The following CSMD2 variants were observed in gnomAD, a reference collection of about 807,000 sequenced individuals.
CSMD2 encodes CUB and Sushi multiple domains 2, also known as CUB and sushi domain-containing protein 2.
Under a neutral mutation model 398.5 loss-of-function variants are expected in CSMD2, and 130 were observed. The observed-to-expected ratio is 0.33, with a 90% confidence interval of 0.28 to 0.38. The LOEUF (loss-of-function observed/expected upper bound fraction) is 0.38, where lower values mean the gene tolerates loss of function less well. Ranked by LOEUF, CSMD2 falls within the 10% of genes least tolerant of loss-of-function variation. The pLI, the probability that CSMD2 is intolerant of heterozygous loss-of-function variation, is 1.00. For missense variants in CSMD2, 3,829 were observed against 4,764.9 expected, an observed-to-expected ratio of 0.80 and a Z score of 5.78; for synonymous variants, 1,828 against 1,908.5, an observed-to-expected ratio of 0.96 and a Z score of 1.10.
chr1:33,670,123 C>T (rs1644444812), intron 25 of CSMD2, among the ~76,000 whole-genome samples: 2 of 152,202 alleles, frequency 1.3e-5, no homozygotes, highest in African/African-American at 2.4e-5. Context: ...TGCCTCACAT[C>T]CAGTGGGGAG....
intron 12 of CSMD2, among the ~76,000 whole-genome samples, chr1:33,773,541 G>A (rs1451559224): frequency 6.6e-6 from 1 of 152,188 alleles, no homozygotes; most frequent in East Asian, 1.9e-4. Flanking sequence ...TCAGGATCCA[G>A]ATGCTTCTGG....
intron 28 of CSMD2, among the ~76,000 whole-genome samples, chr1:33,648,361 CAAAAAAAAAA>C (rs61207590): frequency 2.8e-5 from 2 of 71,810 alleles, no homozygotes; most frequent in African/African-American, 8.7e-5. Context: ...GACTCTGTCT[CAAAAAAAAAA>C]AAAAAAAAGC....
chr1:34,051,334 A>C (rs983855536), intron 2 of CSMD2, among the ~76,000 whole-genome samples: 1 of 152,230 alleles, frequency 6.6e-6, no homozygotes, highest in Non-Finnish European at 1.5e-5. Context: ...TGAAAGAGTT[A>C]GTTATAAATA....
chr1:34,059,459 G>C (rs1020801259), intron 2 of CSMD2, among the ~76,000 whole-genome samples: 1 of 152,104 alleles, frequency 6.6e-6, no homozygotes, highest in Non-Finnish European at 1.5e-5. Context: ...GTCAATTCTA[G>C]CACCCTATTT....
At chr1:33,907,040 G>A (rs1254111480) in intron 5 of CSMD2, among the ~76,000 whole-genome samples, 5 of 151,924 alleles carry the variant, frequency 3.3e-5, no homozygotes, top group African/African-American at 7.3e-5. Context: ...CCTGAAAAAC[G>A]CCTTCTGGCA....
chr1:34,127,233 T>C (rs1203728642), intron 1 of CSMD2, among the ~76,000 whole-genome samples: 2 of 150,282 alleles, frequency 1.3e-5, no homozygotes, highest in East Asian at 4.3e-4. Flanking sequence ...AACCAGAGAC[T>C]GAGTATGGAC....
chr1:34,132,794 C>A (rs1663500865), intron 1 of CSMD2, among the ~76,000 whole-genome samples: 1 of 152,188 alleles, frequency 6.6e-6, no homozygotes, highest in Non-Finnish European at 1.5e-5. Flanking sequence ...GGTTCACCCC[C>A]ACTATCCCAC....
In CSMD2 at chr1:33,920,752, C is replaced by T. The variant is rs1643909773; in HGVS notation, c.713-2451G>A. On this transcript the variant is annotated intron_variant, in intron 4 of 70. Transcript: ENST00000373381. ...GTATTAACAGGATCCCTTGGGATGC[C>T]ATGTAGACAGCAGACCAGAGAGGGC... Among the ~76,000 whole-genome samples, 9 of 152,138 alleles carry T rather than the reference C, an allele frequency of 5.9e-5. No homozygotes were observed. In the South Asian group the frequency reaches 1.9e-3, roughly 32 times the overall value.
chr1:33,652,391 C>A lies in CSMD2; in HGVS notation c.4518G>T (p.Pro1506=), dbSNP rs747379869. 9.9e-5 allele frequency: 159 copies of A among 1,614,002 alleles called. No homozygotes were observed. The Middle Eastern group carries it at 1.2e-3, about 12-fold the overall frequency. The part of the protein sequence containing the change: ...ILSPNYPEPY[P]PGKECDWKVT... ...CTTTCCAGTCACACTCCTTGCCTGG[C>A]GGGTAGGGTTCTGGGTAATTTGGTG... is the stretch of plus-strand genomic sequence containing the variant. The change falls in exon 28 of 71, where the codon CCG becomes CCT. Residue 1506 remains proline, a synonymous_variant. Transcript: ENST00000373381.
At position 33,718,210 on chromosome 1, in the gene CSMD2, G is replaced by C. The variant is rs141175441; in HGVS notation, c.3002-1709C>G. Reference sequence around the variant, plus strand: ...AGCTACTCCAGGGTGCGGCCTCTCAGGCTACAGAAAGAGAGCAGGTAGTTA... The same window carrying C: ...AGCTACTCCAGGGTGCGGCCTCTCACGCTACAGAAAGAGAGCAGGTAGTTA... On this transcript the variant is annotated intron_variant, in intron 19 of 70. Coordinates refer to ENST00000373381, the MANE Select transcript of CSMD2 (RefSeq NM_001281956.2). Among the ~76,000 whole-genome samples, 1,472 of 152,282 alleles carry C rather than the reference G, an allele frequency of 9.7e-3. 21 individuals carry two copies. The highest frequency in any genetic ancestry group is 0.032 in the African/African-American group (1,332 of 41,558).
rs925225994 is a variant in CSMD2, at chr1:33,707,713, A to G, written c.3576+1376T>C. 6.3e-3 allele frequency among the ~76,000 whole-genome samples: 866 copies of G among 138,190 alleles called. 19 individuals carry two copies. The highest frequency in any genetic ancestry group is 0.027 in the African/African-American group (815 of 30,560). The allele number at this position is 138,190 out of a possible 152,430, so 90.7% of individuals were successfully genotyped here. A position where few individuals can be genotyped will look rare whatever the true frequency, so the allele number is the denominator to read the frequency against. The stretch of plus-strand genomic sequence containing the variant: ...CGCGCGCGCACACACACACACACAC[A>G]CACACACACACACACACACACACAC... On this transcript the variant is annotated intron_variant, in intron 22 of 70. Coordinates refer to ENST00000373381, the MANE Select transcript of CSMD2 (RefSeq NM_001281956.2).
At chr1:33,650,985 T>C (rs1381936062) in intron 28 of CSMD2, among the ~76,000 whole-genome samples, 1 of 152,240 alleles carries the variant, frequency 6.6e-6, no homozygotes, top group Non-Finnish European at 1.5e-5. Flanking sequence ...TTTTTGGGAC[T>C]CATCCACGTT....
intron 5 of CSMD2, among the ~76,000 whole-genome samples, chr1:33,854,589 G>A (rs1638940267): frequency 6.6e-6 from 1 of 152,182 alleles, no homozygotes. Flanking sequence ...AGCAGCTGCT[G>A]GTACCTTCCT....
At chr1:34,111,530 C>T (rs1458233713) in intron 1 of CSMD2, among the ~76,000 whole-genome samples, 1 of 152,230 alleles carries the variant, frequency 6.6e-6, no homozygotes, top group Non-Finnish European at 1.5e-5. Flanking sequence ...TTATCAGGCA[C>T]TGACTGTGTG....
intron 55 of CSMD2, 35 bp from the exon 56 acceptor site, chr1:33,550,385 C>T: frequency 6.3e-7 from 1 of 1,596,224 alleles, no homozygotes; most frequent in Non-Finnish European, 8.6e-7. Flanking sequence ...AATGACTCTG[C>T]ACAGGGATGG....
At chr1:33,826,571 T>C (rs1173241773) in intron 6 of CSMD2, among the ~76,000 whole-genome samples, 1 of 152,160 alleles carries the variant, frequency 6.6e-6, no homozygotes, top group Non-Finnish European at 1.5e-5. Context: ...CACTGGGAGA[T>C]GGGGCCTGAC....
At chr1:34,086,720 A>G (rs543777889) in intron 2 of CSMD2, among the ~76,000 whole-genome samples, 1 of 152,214 alleles carries the variant, frequency 6.6e-6, no homozygotes, top group African/African-American at 2.4e-5. Context: ...AGCAGCCTCC[A>G]GCCTCACCCC....
intron 1 of CSMD2, among the ~76,000 whole-genome samples, chr1:34,091,447 G>A (rs1230072732): frequency 6.6e-6 from 1 of 151,998 alleles, no homozygotes; most frequent in Non-Finnish European, 1.5e-5. Context: ...TAAGTAATGG[G>A]GCCCAAGTCA....
chr1:33,795,127 G>C (rs1223625240), intron 10 of CSMD2, among the ~76,000 whole-genome samples: 6 of 152,178 alleles, frequency 3.9e-5, no homozygotes, highest in East Asian at 1.9e-4. Flanking sequence ...GCAAGGTCTA[G>C]GTGAGGTGGG....
Sources: allele counts gnomAD v4.1 joint callset (sites outside exome capture counted in the v4.1 genomes callset), GRCh38; gene constraint gnomAD v4.1.1; transcripts MANE v1.5; gene names NCBI Gene and HGNC (gene_info 2026-07-23, HGNC 2026-07-21).